Variants in DOCK11 observed in about 807,000 individuals in gnomAD.
DOCK11 encodes the protein dedicator of cytokinesis 11, also known as dedicator of cytokinesis protein 11.
DOCK11 carries 70 observed loss-of-function variants against 169.1 expected under a neutral mutation model. That is an observed-to-expected ratio of 0.41 (90% confidence interval 0.34 to 0.51). The LOEUF (loss-of-function observed/expected upper bound fraction) is 0.51, where lower values mean the gene tolerates loss of function less well. Ranked by LOEUF, DOCK11 falls within the 20% of genes least tolerant of loss-of-function variation. The pLI is 0.10. For missense variants in DOCK11, 1,166 were observed against 1,538.8 expected, an observed-to-expected ratio of 0.76 and a Z score of 4.05; for synonymous variants, 529 against 541.3, an observed-to-expected ratio of 0.98 and a Z score of 0.32.
chrX:118,658,819 A>G (rs1175983539), intron 44 of DOCK11, among the ~76,000 whole-genome samples: 3 of 111,601 alleles, frequency 2.7e-5, no homozygotes, highest in Non-Finnish European at 3.8e-5. Flanking sequence ...TTCTTTTCCT[A>G]AGAGAGGGTA....
At position 118,496,374 on chromosome X, in the gene DOCK11, G is replaced by A. The variant is rs760785873; in HGVS notation, c.102+301G>A. ...AGGCTCCCACCCAGGGTCGGGGCCG[G>A]GGGTGTGAGCTAAAGAGCTGACCTC... On this transcript the variant is annotated intron_variant, in intron 1 of 52. Coordinates refer to ENST00000276202, the MANE Select transcript of DOCK11 (RefSeq NM_144658.4). Among the ~76,000 whole-genome samples, 5 of 112,244 alleles carry A rather than the reference G, an allele frequency of 4.5e-5. No homozygotes were observed. In the South Asian group the frequency reaches 1.8e-3, roughly 41 times the overall value.
chrX:118,528,623 ATACGGGTTAGCAT>A (rs2011435223), intron 1 of DOCK11, among the ~76,000 whole-genome samples: 1 of 110,933 alleles, frequency 9.0e-6, no homozygotes, highest in African/African-American at 3.3e-5. Flanking sequence ...TTTGCAGGGG[ATACGGGTTAGCAT>A]TACAAAATGG....
intron 44 of DOCK11, among the ~76,000 whole-genome samples, chrX:118,656,500 A>C (rs1266528838): frequency 9.0e-6 from 1 of 110,824 alleles, no homozygotes; most frequent in African/African-American, 3.3e-5. Context: ...GCCCCATTTG[A>C]GGGTTTTTTT....
chrX:118,534,036 A>C (rs1205697379), intron 1 of DOCK11, among the ~76,000 whole-genome samples: 1 of 112,409 alleles, frequency 8.9e-6, no homozygotes, highest in Non-Finnish European at 1.9e-5. Context: ...AATAGAAAAA[A>C]AATTCTAATT....
At chrX:118,591,027 T>A (rs2013977061) in intron 19 of DOCK11, among the ~76,000 whole-genome samples, 1 of 112,341 alleles carries the variant, frequency 8.9e-6, no homozygotes, top group African/African-American at 3.2e-5. Flanking sequence ...ATCTGTAGTC[T>A]CCTTTTGATT....
intron 48 of DOCK11, among the ~76,000 whole-genome samples, chrX:118,680,114 AC>A (rs1027818615): frequency 2.8e-5 from 3 of 108,451 alleles, no homozygotes; most frequent in Non-Finnish European, 5.7e-5. Context: ...TTTAGTAGAG[AC>A]AAGGTTTCAC....
intron 11 of DOCK11, 62 bp downstream of exon 11, chrX:118,572,525 A>G: frequency 9.3e-7 from 1 of 1,073,486 alleles, no homozygotes; most frequent in Non-Finnish European, 1.2e-6. Context: ...GTCTTTCTCA[A>G]AATAATTTGT....
chrX:118,610,156 C>A (rs935192267), intron 27 of DOCK11, 116 bp from the exon 28 acceptor site: 1 of 734,899 alleles, frequency 1.4e-6, no homozygotes, highest in African/African-American at 2.1e-5. Context: ...GTTGGGAGAA[C>A]AATTATACAT....
intron 20 of DOCK11, among the ~76,000 whole-genome samples, chrX:118,595,160 A>G (rs2014122380): frequency 9.0e-6 from 1 of 111,549 alleles, no homozygotes; most frequent in Non-Finnish European, 1.9e-5. Flanking sequence ...AGAAGCAGGA[A>G]GAGGAAGAAA....
intron 1 of DOCK11, among the ~76,000 whole-genome samples, chrX:118,516,807 A>G (rs1031818234): frequency 8.9e-6 from 1 of 112,024 alleles, no homozygotes; most frequent in Non-Finnish European, 1.9e-5. Flanking sequence ...TCCTATTTTT[A>G]TAAAATAATG....
chrX:118,622,256 G>T (rs777621768), intron 31 of DOCK11, among the ~76,000 whole-genome samples: 1 of 112,028 alleles, frequency 8.9e-6, no homozygotes, highest in African/African-American at 3.2e-5. Flanking sequence ...ATAAGCACAA[G>T]CCTATATGAC....
intron 40 of DOCK11, among the ~76,000 whole-genome samples, chrX:118,646,990 C>CTA (rs199704080): frequency 0.14 from 15,661 of 110,653 alleles, 907 homozygotes; most frequent in Non-Finnish European, 0.17. Context: ...TGTAACAAGT[C>CTA]TGTTACCTGT....
intron 9 of DOCK11, among the ~76,000 whole-genome samples, chrX:118,567,667 G>T (rs944466585): frequency 9.0e-6 from 1 of 110,685 alleles, no homozygotes; most frequent in African/African-American, 3.3e-5. Flanking sequence ...TCCTGGCCTC[G>T]AGTGATCCAC....
chrX:118,516,271 A>G (rs1321718839), intron 1 of DOCK11, among the ~76,000 whole-genome samples: 1 of 102,296 alleles, frequency 9.8e-6, no homozygotes, highest in African/African-American at 3.6e-5. Flanking sequence ...TTTGTTTTGT[A>G]TTTTTAGTAG....
intron 40 of DOCK11, among the ~76,000 whole-genome samples, chrX:118,647,681 A>G (rs865988559): frequency 1.9e-5 from 1 of 52,776 alleles, no homozygotes; most frequent in Admixed American, 3.4e-4. Flanking sequence ...TTATTATATA[A>G]TATTATATTA....
chrX:118,599,865 A>G (rs138725169), intron 23 of DOCK11, among the ~76,000 whole-genome samples: 2 of 112,137 alleles, frequency 1.8e-5, no homozygotes, highest in African/African-American at 6.5e-5. Context: ...TTTAGGATTT[A>G]CCTTTGGACA....
intron 1 of DOCK11, among the ~76,000 whole-genome samples, chrX:118,504,931 A>G (rs1267739213): frequency 2.7e-5 from 3 of 112,658 alleles, no homozygotes; most frequent in African/African-American, 6.4e-5. Context: ...CCAGGTTCAG[A>G]GTTCAGCCCT....
chrX:118,648,107 AAT>A (rs1379492931), intron 40 of DOCK11, among the ~76,000 whole-genome samples: 2 of 75,077 alleles, frequency 2.7e-5, no homozygotes, highest in African/African-American at 1.0e-4. Context: ...TATACAATAT[AAT>A]ATATAAATTG....
rs751083125 is a variant in DOCK11 at position 118,643,552 on chromosome X, G to A, written c.4356G>A (p.Ser1452=). Residue 1452 remains serine, a synonymous_variant, in exon 40 of 53, where the codon TCG becomes TCA. Transcript: ENST00000276202. ...AFLKNGQSEV[S]LKHVFASLRA... ...TTAAAAATGGACAATCTGAAGTGTC[G>A]CTGAAACATGTATTTGCCTCACTGA... 8.3e-7 allele frequency: 1 copy of A among 1,210,702 alleles called. No individual in the cohort carries two copies. Among genetic ancestry groups the A allele is most frequent in the East Asian group, 3.0e-5 (1 of 33,826 alleles).
Sources: gnomAD v4.1 joint callset for allele counts (sites outside exome capture counted in the v4.1 genomes callset) on GRCh38, gnomAD v4.1.1 for gene constraint, MANE v1.5 for transcripts, NCBI Gene and HGNC (gene_info 2026-07-23, HGNC 2026-07-21) for gene names.